Variants in NFX1 observed in about 807,000 individuals in gnomAD.
NFX1 encodes the protein nuclear transcription factor, X-box binding 1.
In NFX1, 69 loss-of-function variants were observed where a neutral mutation model predicts 137.2. The observed-to-expected ratio is 0.50, with a 90% confidence interval of 0.41 to 0.61. NFX1 has a LOEUF of 0.61. Among genes scored for constraint, NFX1 ranks in the 20% least tolerant of loss-of-function variants. The pLI is 0.00. For synonymous variants in NFX1, 495 were observed against 474.1 expected (o/e 1.04, Z -0.57); for missense variants, 1,167 against 1,391.0 (o/e 0.84, Z 2.56).
At chr9:33,353,065 T>G (rs1823695559) in intron 17 of NFX1, among the ~76,000 whole-genome samples, 1 of 152,220 alleles carries the variant, frequency 6.6e-6, no homozygotes, top group Middle Eastern at 3.2e-3. Flanking sequence ...ACATACATTT[T>G]TAAAAATCTG....
At chr9:33,351,402 C>T (rs1389177779) in intron 15 of NFX1, among the ~76,000 whole-genome samples, 158 bp from the exon 16 acceptor site, 1 of 152,026 alleles carries the variant, frequency 6.6e-6, no homozygotes, top group African/African-American at 2.4e-5. Flanking sequence ...GTCATAATCA[C>T]ACTGTTGCAC....
At chr9:33,361,539 G>A (rs561183104) in intron 19 of NFX1, among the ~76,000 whole-genome samples, 55 of 152,150 alleles carry the variant, frequency 3.6e-4, no homozygotes, top group African/African-American at 1.2e-3. Flanking sequence ...TTGGGAGGTC[G>A]AGGCGGGTGG....
chr9:33,342,278 G>A (rs866389075), intron 12 of NFX1, among the ~76,000 whole-genome samples: 19 of 151,982 alleles, frequency 1.3e-4, no homozygotes, highest in African/African-American at 4.4e-4. Flanking sequence ...TGGCTAACAC[G>A]GTGAAACCTC....
At chr9:33,333,534 G>T (rs1822888663) in intron 11 of NFX1, among the ~76,000 whole-genome samples, 1 of 152,216 alleles carries the variant, frequency 6.6e-6, no homozygotes, top group South Asian at 2.1e-4. Context: ...TGAAGAGAGT[G>T]TTGTTGTTCT....
chr9:33,354,110 T>C lies in NFX1; in HGVS notation c.2754T>C (p.Ser918=). 5 of 1,612,752 alleles carry C rather than the reference T, an allele frequency of 3.1e-6. No individual in the cohort carries two copies. The highest frequency in any genetic ancestry group is 1.1e-5 in the South Asian group (1 of 90,696). The change falls in exon 18 of 24, where the codon TCT becomes TCC. Residue 918 remains serine (S), a synonymous_variant. Coordinates refer to ENST00000379540, the MANE Select transcript of NFX1 (RefSeq NM_002504.6). ...GAATAGCTGCAATCTCCATGGCCTC[T>C]AAGATAACAGACATGCAGCTTGGAG... ...YQRIAAISMA[S]KITDMQLGGS...
intron 11 of NFX1, among the ~76,000 whole-genome samples, chr9:33,333,442 C>T (rs1822885932): frequency 1.3e-5 from 2 of 152,154 alleles, no homozygotes; most frequent in Non-Finnish European, 2.9e-5. Context: ...CTGTGGTTTT[C>T]TTGATTTTCT....
intron 7 of NFX1, among the ~76,000 whole-genome samples, chr9:33,315,883 C>G (rs1188459538): frequency 1.7e-5 from 1 of 59,130 alleles, no homozygotes; most frequent in Non-Finnish European, 3.8e-5. Context: ...CAGTACCCAC[C>G]TCTGTCTCAA....
In NFX1 at chr9:33,367,514, G is replaced by C; in HGVS notation, c.3186-1G>C. 1.9e-6 allele frequency: 3 copies of C among 1,613,454 alleles called. No homozygotes were observed. The highest frequency in any genetic ancestry group is 2.5e-6 in the Non-Finnish European group (3 of 1,179,590). ...ATGCTTGGTGTTTTGACTTTTATCA[G>C]GGGGAAGTCCGTTTGTCCTCCTACC... On this transcript the variant is annotated splice_acceptor_variant, in intron 22 of 23. Transcript: ENST00000379540. LOFTEE classifies it high-confidence loss of function.
rs559008668 is a variant in NFX1, at chr9:33,332,690, T to A, written c.2035+188T>A. On this transcript the variant is annotated intron_variant, in intron 11 of 23. Transcript: ENST00000379540. ...CTAATTGATGAAATGCTGAAAAATA[T>A]AAGCTAAGTGCACTCATGTCTACAG... is the stretch of plus-strand genomic sequence containing the variant. 71 of 528,096 alleles carry A rather than the reference T, an allele frequency of 1.3e-4. 1 individual carries two copies. The East Asian group carries it at 2.1e-3, about 16-fold the overall frequency. 32.7% of individuals were successfully genotyped at this position (528,096 alleles called of 1,614,324 possible). A position where few individuals can be genotyped will look rare whatever the true frequency, so the allele number is the denominator to read the frequency against.
intron 13 of NFX1, 63 bp downstream of exon 13, chr9:33,342,917 T>C: frequency 9.6e-7 from 1 of 1,036,344 alleles, no homozygotes; most frequent in African/African-American, 1.6e-5. Flanking sequence ...ATAATATACT[T>C]TGAGAGATTG....
chr9:33,342,625 A>C lies in NFX1; in HGVS notation c.2116-121A>C, dbSNP rs568369548. 141 of 715,420 alleles carry C rather than the reference A, an allele frequency of 2.0e-4. No individual in the cohort carries two copies. The African/African-American group carries it at 2.3e-3, about 12-fold the overall frequency. The allele number at this position is 715,420 out of a possible 1,614,324, so 44.3% of individuals were successfully genotyped here. A position where few individuals can be genotyped will look rare whatever the true frequency, so the allele number is the denominator to read the frequency against. On this transcript the variant is annotated intron_variant, in intron 12 of 23. Transcript: ENST00000379540. ...TCCCTTCTGTGGCTATTTTGAAGGTATTTCCAGATATCATTTTATCCATAA... is the reference window on the plus strand; with the variant it reads ...TCCCTTCTGTGGCTATTTTGAAGGTCTTTCCAGATATCATTTTATCCATAA...
At chr9:33,339,269 G>A (rs1485072858) in intron 12 of NFX1, among the ~76,000 whole-genome samples, 5 of 152,116 alleles carry the variant, frequency 3.3e-5, no homozygotes, top group South Asian at 4.1e-4. Context: ...GTTCCAAGTC[G>A]GTGGGGAGGC....
rs184768985 is a variant in NFX1 at position 33,324,928 on chromosome 9, C to T, written c.1907-3653C>T. 8.2e-3 allele frequency among the ~76,000 whole-genome samples: 584 copies of T among 70,888 alleles called. 2 individuals carry two copies. The highest frequency in any genetic ancestry group is 0.01 in the Non-Finnish European group (326 of 31,474). The allele number at this position is 70,888 out of a possible 152,430, so 46.5% of individuals were successfully genotyped here. A position where few individuals can be genotyped will look rare whatever the true frequency, so the allele number is the denominator to read the frequency against. ...TGGGCAACAGAGTGAGATTCCATCT[C>T]AAAAAAAAAAAAAAAGAAAGAGATT... On this transcript the variant is annotated intron_variant, in intron 9 of 23. Coordinates refer to ENST00000379540, the MANE Select transcript of NFX1 (RefSeq NM_002504.6).
chr9:33,365,938 G>A (rs1161284584), intron 21 of NFX1: 7 of 152,178 alleles, frequency 4.6e-5, no homozygotes, highest in African/African-American at 1.7e-4. Flanking sequence ...AGCTTTAAGT[G>A]GAAAAGTCTT....
At chr9:33,290,899 C>A (rs1371572023) in intron 1 of NFX1, among the ~76,000 whole-genome samples, 2 of 152,210 alleles carry the variant, frequency 1.3e-5, no homozygotes, top group African/African-American at 2.4e-5. Flanking sequence ...CACTGACCTT[C>A]GACAGGCGGG....
intron 10 of NFX1, among the ~76,000 whole-genome samples, chr9:33,330,050 T>A (rs1184800617): frequency 6.6e-6 from 1 of 152,158 alleles, no homozygotes; most frequent in African/African-American, 2.4e-5. Context: ...CGCCTCAGCC[T>A]CCCAAAATGC....
intron 13 of NFX1, 66 bp downstream of exon 13, chr9:33,342,920 A>T: frequency 9.6e-7 from 1 of 1,037,056 alleles, no homozygotes; most frequent in Non-Finnish European, 1.4e-6. Context: ...ATATACTTTG[A>T]GAGATTGATT....
Position 33,290,579 on chromosome 9 carries a change from G to A in NFX1, c.7G>A (p.Glu3Lys). 2 of 1,613,972 alleles carry A rather than the reference G, an allele frequency of 1.2e-6. No homozygotes were observed. The highest frequency in any genetic ancestry group is 1.7e-6 in the Non-Finnish European group (2 of 1,179,998). The change falls in exon 1 of 24, where the codon GAG becomes AAG. Residue 3 changes from glutamate (E) to lysine (K), a missense_variant. Around this residue, in one of 3 missense-constraint regions of NFX1, gnomAD observed 367 missense variants for 386.7 expected, o/e 0.95. Coordinates refer to ENST00000379540, the MANE Select transcript of NFX1 (RefSeq NM_002504.6). ...CTAGGTTCTGCGGCACGGGATGGCG[G>A]AGGCGCCTCCTGTCTCAGGTATTGT... MA[E>K]APPVSGTFKF... is the part of the protein sequence containing the mutation.
chr9:33,364,901 G>A (rs1587882924), intron 21 of NFX1, 127 bp downstream of exon 21: 1 of 1,499,040 alleles, frequency 6.7e-7, no homozygotes, highest in South Asian at 1.3e-5. Flanking sequence ...CTTCTTTGAG[G>A]ATCCTTATCT....
Sources: allele counts gnomAD v4.1 joint callset (sites outside exome capture counted in the v4.1 genomes callset), GRCh38; gene constraint gnomAD v4.1.1; regional missense constraint gnomAD v4.1.1; transcripts MANE v1.5; gene names NCBI Gene and HGNC (gene_info 2026-07-23, HGNC 2026-07-21).